Variants in CFAP299 observed in about 807,000 individuals in gnomAD.
CFAP299 encodes cilia- and flagella-associated protein 299.
Under a neutral mutation model 27.0 loss-of-function variants are expected in CFAP299, and 21 were observed. That is an observed-to-expected ratio of 0.78 (90% CI 0.55 to 1.12). The LOEUF (loss-of-function observed/expected upper bound fraction) is 1.12. CFAP299 is among the 50% of genes most tolerant of loss of function. The pLI, the probability that CFAP299 is intolerant of heterozygous loss-of-function variation, is 0.00. For synonymous variants in CFAP299, 104 were observed against 98.1 expected, an observed-to-expected ratio of 1.06 and a Z score of -0.36; for missense variants, 310 against 276.6, an observed-to-expected ratio of 1.12 and a Z score of -0.86.
chr4:80,472,945 GATTA>G (rs1194683999), intron 2 of CFAP299, among the ~76,000 whole-genome samples: 1 of 152,104 alleles, frequency 6.6e-6, no homozygotes, highest in African/African-American at 2.4e-5. Context: ...CCATACAGGT[GATTA>G]ATTGATACTC....
intron 2 of CFAP299, among the ~76,000 whole-genome samples, chr4:80,563,128 G>T (rs186053241): frequency 6.6e-5 from 10 of 152,066 alleles, no homozygotes; most frequent in Admixed American, 5.9e-4. Flanking sequence ...TTTCAGCATT[G>T]GATAGATCAT....
chr4:80,411,597 GC>G (rs1726724970), intron 2 of CFAP299, among the ~76,000 whole-genome samples: 1 of 151,442 alleles, frequency 6.6e-6, no homozygotes, highest in African/African-American at 2.4e-5. Context: ...ATAATATATA[GC>G]AACCCGAAGC....
intron 3 of CFAP299, among the ~76,000 whole-genome samples, chr4:80,843,111 A>G (rs1730955469): frequency 5.3e-5 from 8 of 151,712 alleles, no homozygotes; most frequent in Admixed American, 5.3e-4. Context: ...TTTAAGTTCT[A>G]GGGTACATGT....
chr4:80,815,202 T>C (rs904212216), intron 3 of CFAP299, among the ~76,000 whole-genome samples: 1 of 151,970 alleles, frequency 6.6e-6, no homozygotes, highest in Non-Finnish European at 1.5e-5. Context: ...TACTACTGTT[T>C]GTCCAATAGG....
chr4:80,917,527 C>T (rs1735825550), intron 4 of CFAP299, among the ~76,000 whole-genome samples: 1 of 152,048 alleles, frequency 6.6e-6, no homozygotes. Context: ...GTATTGGAAG[C>T]CTCACATAAA....
chr4:80,860,667 G>A (rs950483265), intron 3 of CFAP299, among the ~76,000 whole-genome samples: 9 of 152,192 alleles, frequency 5.9e-5, no homozygotes, highest in Admixed American at 4.6e-4. Context: ...GTTTGCTAGA[G>A]GTCCACTCCA....
At chr4:80,891,676 T>G in intron 4 of CFAP299, among the ~76,000 whole-genome samples, 1 of 110,918 alleles carries the variant, frequency 9.0e-6, no homozygotes, top group Admixed American at 9.4e-5. Flanking sequence ...GATGACACGT[T>G]AGTGGGTGCA....
At chr4:80,432,956 C>T (rs781131225) in intron 2 of CFAP299, among the ~76,000 whole-genome samples, 21 of 152,270 alleles carry the variant, frequency 1.4e-4, no homozygotes, top group Non-Finnish European at 7.3e-5. Flanking sequence ...AAAAATACCT[C>T]TCACCTTCTT....
intron 2 of CFAP299, among the ~76,000 whole-genome samples, chr4:80,379,362 T>C (rs1054749149): frequency 3.3e-5 from 5 of 152,000 alleles, no homozygotes; most frequent in Non-Finnish European, 7.4e-5. Flanking sequence ...TTAACATGAA[T>C]TGTTTTCTCT....
chr4:80,461,104 C>T (rs1729416056), intron 2 of CFAP299, among the ~76,000 whole-genome samples: 1 of 152,250 alleles, frequency 6.6e-6, no homozygotes, highest in Admixed American at 6.5e-5. Context: ...GACCCGGAAT[C>T]AACAGAAAGG....
At chr4:80,460,622 T>C (rs1729390671) in intron 2 of CFAP299, among the ~76,000 whole-genome samples, 1 of 152,144 alleles carries the variant, frequency 6.6e-6, no homozygotes, top group Non-Finnish European at 1.5e-5. Context: ...TTTTTATGCG[T>C]AAGAAATAAT....
At chr4:80,705,833 G>A (rs1180821432) in intron 3 of CFAP299, among the ~76,000 whole-genome samples, 1 of 151,834 alleles carries the variant, frequency 6.6e-6, no homozygotes, top group Non-Finnish European at 1.5e-5. Context: ...CCTTTATGAT[G>A]ATAAAGTGGT....
chr4:80,490,793 A>G (rs1453022920), intron 2 of CFAP299, among the ~76,000 whole-genome samples: 1 of 152,204 alleles, frequency 6.6e-6, no homozygotes, highest in Non-Finnish European at 1.5e-5. Context: ...ATGAGACTTA[A>G]GCTATTATAA....
At chr4:80,510,902 AATGG>A (rs1732264717) in intron 2 of CFAP299, among the ~76,000 whole-genome samples, 1 of 152,176 alleles carries the variant, frequency 6.6e-6, no homozygotes, top group Non-Finnish European at 1.5e-5. Context: ...GACTTAGAAA[AATGG>A]ATATTCAGTA....
At chr4:80,751,408 T>G (rs758912577) in intron 3 of CFAP299, among the ~76,000 whole-genome samples, 7 of 152,138 alleles carry the variant, frequency 4.6e-5, no homozygotes, top group Non-Finnish European at 1.0e-4. Flanking sequence ...TCTCCAAAGC[T>G]GGCAGGCTGG....
chr4:80,860,044 A>T (rs1732217303), intron 3 of CFAP299, among the ~76,000 whole-genome samples: 1 of 152,174 alleles, frequency 6.6e-6, no homozygotes, highest in Non-Finnish European at 1.5e-5. Context: ...ACTTTCAGGT[A>T]CACCAATCAA....
intron 3 of CFAP299, among the ~76,000 whole-genome samples, chr4:80,760,401 C>T (rs185356610): frequency 3.3e-5 from 5 of 152,170 alleles, no homozygotes; most frequent in African/African-American, 1.2e-4. Context: ...CAAACTGGAG[C>T]CACCACCACC....
chr4:80,552,691 T>C (rs1734582878), intron 2 of CFAP299, among the ~76,000 whole-genome samples: 1 of 152,146 alleles, frequency 6.6e-6, no homozygotes. Context: ...ACCAGTAGTT[T>C]GGGGTTTCTT....
intron 3 of CFAP299, among the ~76,000 whole-genome samples, chr4:80,676,108 G>A (rs561856270): frequency 4.5e-4 from 68 of 152,252 alleles, no homozygotes; most frequent in African/African-American, 1.6e-3. Flanking sequence ...AGAAATCACT[G>A]TCTTCTGCAT....
Sources: allele counts gnomAD v4.1 joint callset (sites outside exome capture counted in the v4.1 genomes callset), GRCh38; gene constraint gnomAD v4.1.1; transcripts MANE v1.5; gene names NCBI Gene and HGNC (gene_info 2026-07-23, HGNC 2026-07-21).